KCTD16: variants seen among roughly 807,000 people sequenced by gnomAD.
KCTD16 encodes potassium channel tetramerization domain containing 16.
Under a neutral mutation model 33.2 loss-of-function variants are expected in KCTD16, and 13 were observed. That is an observed-to-expected ratio of 0.39 (90% CI 0.25 to 0.62). The LOEUF (loss-of-function observed/expected upper bound fraction) is 0.62. Among genes scored for constraint, KCTD16 ranks in the 20% least tolerant of loss-of-function variants. The pLI is 0.50. For synonymous variants in KCTD16, 197 were observed against 195.3 expected, an observed-to-expected ratio of 1.01 and a Z score of -0.07; for missense variants, 441 against 525.1, an observed-to-expected ratio of 0.84 and a Z score of 1.57.
chr5:144,341,418 C>T (rs2126899047), intron 3 of KCTD16, among the ~76,000 whole-genome samples: 1 of 152,234 alleles, frequency 6.6e-6, no homozygotes, highest in South Asian at 2.1e-4. Context: ...AAAAGGTGTT[C>T]TCCTCATGCC....
chr5:144,240,626 C>T (rs1048693926), intron 3 of KCTD16, among the ~76,000 whole-genome samples: 1 of 152,044 alleles, frequency 6.6e-6, no homozygotes, highest in South Asian at 2.1e-4. Flanking sequence ...GTTAGAAAGT[C>T]CTGTCAATTT....
chr5:144,186,344 A>AT lies in KCTD16; in HGVS notation c.-327+11880dup, dbSNP rs34046123. Among the ~76,000 whole-genome samples the AT allele has an allele frequency of 1.5e-4, 8 of 51,718 alleles. No homozygotes were observed. In the South Asian group the frequency reaches 3.5e-3, roughly 23 times the overall value. The allele number at this position is 51,718 out of a possible 152,430, so 33.9% of individuals were successfully genotyped here. Reference sequence around the variant, plus strand: ...TTCTACGAAGTTTGTGCTAGATCTCATTTTTTTTAAAAAAAAAAAGAAAAA... The same window carrying AT: ...TTCTACGAAGTTTGTGCTAGATCTCATTTTTTTTTAAAAAAAAAAAGAAAAA... On this transcript the variant is annotated intron_variant, in intron 2 of 3. Transcript: ENST00000512467.
chr5:144,338,046 G>A (rs745511688), intron 3 of KCTD16, among the ~76,000 whole-genome samples: 40 of 152,254 alleles, frequency 2.6e-4, no homozygotes, highest in Admixed American at 7.2e-4. Flanking sequence ...ACGTCAGAGG[G>A]CAATGGAACT....
intron 2 of KCTD16, among the ~76,000 whole-genome samples, chr5:144,175,673 C>A (rs2126770033): frequency 6.6e-6 from 1 of 152,278 alleles, no homozygotes; most frequent in East Asian, 1.9e-4. Flanking sequence ...ACTTACTTGC[C>A]ATGGAGCTTC....
chr5:144,383,907 A>G (rs1369902938), intron 3 of KCTD16, among the ~76,000 whole-genome samples: 2 of 152,208 alleles, frequency 1.3e-5, no homozygotes, highest in South Asian at 2.1e-4. Context: ...ATTATAAAAA[A>G]TACGTAAGAA....
chr5:144,305,611 C>T (rs773209825), intron 3 of KCTD16, among the ~76,000 whole-genome samples: 12 of 151,948 alleles, frequency 7.9e-5, no homozygotes, highest in South Asian at 2.1e-4. Context: ...GTCAGGAGAT[C>T]GAGACCATCC....
chr5:144,202,200 T>C (rs1753059015), intron 2 of KCTD16, among the ~76,000 whole-genome samples: 1 of 152,150 alleles, frequency 6.6e-6, no homozygotes. Context: ...GGGAGTGCCA[T>C]CCCACAGTGT....
intron 3 of KCTD16, among the ~76,000 whole-genome samples, chr5:144,447,972 C>T (rs1295051475): frequency 6.6e-6 from 1 of 151,994 alleles, no homozygotes. Context: ...TTGACACTCT[C>T]CATGTAATTT....
In KCTD16 at chr5:144,402,421, G is replaced by A. The variant is rs371987669; in HGVS notation, c.833-71239G>A. Among the ~76,000 whole-genome samples the A allele has an allele frequency of 3.0e-4, 46 of 152,218 alleles. 1 individual carries two copies. The South Asian group carries it at 4.4e-3, about 14-fold the overall frequency. ...TAGGCCAGGCTTTCTGTCCTGTGTCGAGTGAGGTCGTCTACCTCACTGCAG... is the reference window on the plus strand; with the variant it reads ...TAGGCCAGGCTTTCTGTCCTGTGTCAAGTGAGGTCGTCTACCTCACTGCAG... On this transcript the variant is annotated intron_variant, in intron 3 of 3. Transcript: ENST00000512467.
intron 3 of KCTD16, among the ~76,000 whole-genome samples, chr5:144,219,513 C>CTTTTTTTTTTTTT (rs59442398): frequency 1.2e-4 from 9 of 77,128 alleles, no homozygotes; most frequent in East Asian, 3.8e-4. Flanking sequence ...TGTGCTGGGC[C>CTTTTTTTTTTTTT]TTTTTTTTTT....
At chr5:144,452,130 T>A in intron 3 of KCTD16, among the ~76,000 whole-genome samples, 1 of 142,528 alleles carries the variant, frequency 7.0e-6, no homozygotes, top group African/African-American at 2.9e-5. Context: ...CCAAAACACA[T>A]TAAATATATA....
intron 3 of KCTD16, among the ~76,000 whole-genome samples, chr5:144,462,822 A>C (rs1293869766): frequency 1.3e-5 from 2 of 152,192 alleles, no homozygotes; most frequent in Non-Finnish European, 2.9e-5. Context: ...TGGTCATTGA[A>C]TATATCTGTT....
chr5:144,454,285 C>G (rs986454651), intron 3 of KCTD16, among the ~76,000 whole-genome samples: 1 of 152,092 alleles, frequency 6.6e-6, no homozygotes, highest in Non-Finnish European at 1.5e-5. Context: ...TCTCATAAAA[C>G]CAGAGCATTC....
At chr5:144,279,075 A>G (rs980116742) in intron 3 of KCTD16, among the ~76,000 whole-genome samples, 3 of 152,130 alleles carry the variant, frequency 2.0e-5, no homozygotes, top group African/African-American at 7.2e-5. Flanking sequence ...GAGATTTTTA[A>G]AAAGTTGTTT....
In KCTD16 at chr5:144,261,596, C is replaced by T. The variant is rs187256190; in HGVS notation, c.832+54050C>T. 1.0e-3 allele frequency among the ~76,000 whole-genome samples: 153 copies of T among 152,330 alleles called. 1 individual carries two copies. Among genetic ancestry groups the T allele is most frequent in the African/African-American group, 2.1e-3 (89 of 41,568 alleles). ...ATGGTTCAATTAAGTAACTCAGAAA[C>T]GTACCTAAATGGCTTATTCAAGGTC... On this transcript the variant is annotated intron_variant, in intron 3 of 3. Transcript: ENST00000512467.
At position 144,477,327 on chromosome 5, in the gene KCTD16, T is replaced by G. The variant is rs745968013; in HGVS notation, c.*3213T>G. Reference sequence around the variant, plus strand: ...CTTTGTATTTATAGGCACAGTTATCTTACTGAAAATGCATGCATGGTGAAT... The same window carrying G: ...CTTTGTATTTATAGGCACAGTTATCGTACTGAAAATGCATGCATGGTGAAT... On this transcript the variant is annotated 3_prime_UTR_variant, in exon 4 of 4. Transcript: ENST00000512467. 1 of 152,164 alleles carries G rather than the reference T, an allele frequency of 6.6e-6. No individual in the cohort carries two copies. The highest frequency in any genetic ancestry group is 1.5e-5 in the Non-Finnish European group (1 of 68,012). 9.4% of individuals were successfully genotyped at this position (152,164 alleles called of 1,614,324 possible).
intron 3 of KCTD16, among the ~76,000 whole-genome samples, chr5:144,306,715 G>A (rs984589670): frequency 3.3e-5 from 5 of 152,196 alleles, no homozygotes; most frequent in Non-Finnish European, 5.9e-5. Context: ...AGAGAGGACT[G>A]TGAGTGTTAG....
intron 3 of KCTD16, among the ~76,000 whole-genome samples, chr5:144,285,570 G>T (rs1446883852): frequency 3.3e-5 from 5 of 151,992 alleles, no homozygotes; most frequent in African/African-American, 9.7e-5. Flanking sequence ...TGCGTTTTTT[G>T]TTTTTCTATG....
chr5:144,335,715 A>G (rs922519015), intron 3 of KCTD16, among the ~76,000 whole-genome samples: 1 of 152,162 alleles, frequency 6.6e-6, no homozygotes, highest in Non-Finnish European at 1.5e-5. Flanking sequence ...AAGAAAAACC[A>G]ATATTGAAAC....
Sources: gnomAD v4.1 joint callset for allele counts (sites outside exome capture counted in the v4.1 genomes callset) on GRCh38, gnomAD v4.1.1 for gene constraint, MANE v1.5 for transcripts, NCBI Gene and HGNC (gene_info 2026-07-23, HGNC 2026-07-21) for gene names.